Variants in PARD3B observed in about 807,000 individuals in gnomAD.
PARD3B encodes par-3 family cell polarity regulator beta.
A neutral mutation model predicts 130.2 loss-of-function variants in PARD3B; 103 were observed. The ratio of observed to expected loss-of-function variants is 0.79; its 90% CI spans 0.67 to 0.93. PARD3B has a LOEUF of 0.93. Ranked by LOEUF, PARD3B falls within the 40% of genes least tolerant of loss-of-function variation. The probability of loss-of-function intolerance (pLI) is 0.00; values close to 1 mark genes in which losing one functional copy is unlikely to be tolerated. For missense variants in PARD3B, 1,609 were observed against 1,499.2 expected (o/e 1.07, Z -1.21); for synonymous variants, 583 against 553.2 (o/e 1.05, Z -0.76).
chr2:205,034,942 C>T (rs1697697588), intron 3 of PARD3B, among the ~76,000 whole-genome samples: 2 of 152,074 alleles, frequency 1.3e-5, no homozygotes, highest in African/African-American at 2.4e-5. Flanking sequence ...CTGCAACCTC[C>T]GCCACCTGAG....
At chr2:205,476,901 C>A (rs2049041259) in intron 20 of PARD3B, among the ~76,000 whole-genome samples, 1 of 152,070 alleles carries the variant, frequency 6.6e-6, no homozygotes, top group Admixed American at 6.6e-5. Flanking sequence ...ATTTTGTATT[C>A]AAAAATATTA....
At chr2:205,057,434 TG>T (rs1699738615) in intron 4 of PARD3B, among the ~76,000 whole-genome samples, 2 of 138,386 alleles carry the variant, frequency 1.4e-5, no homozygotes, top group Admixed American at 7.5e-5. Flanking sequence ...CATGTATATG[TG>T]TTATATACAT....
intron 18 of PARD3B, among the ~76,000 whole-genome samples, chr2:205,338,335 T>C (rs926147178): frequency 2.6e-5 from 4 of 152,248 alleles, no homozygotes; most frequent in Non-Finnish European, 4.4e-5. Flanking sequence ...TCATTTTTCG[T>C]TTGTTTGTTT....
At chr2:205,339,223 A>T (rs1386946811) in intron 18 of PARD3B, among the ~76,000 whole-genome samples, 1 of 152,230 alleles carries the variant, frequency 6.6e-6, no homozygotes, top group Admixed American at 6.5e-5. Flanking sequence ...TTTACCACAA[A>T]GGAAAATAAA....
At chr2:205,555,567 T>C (rs527873110) in intron 22 of PARD3B, among the ~76,000 whole-genome samples, 45 of 152,362 alleles carry the variant, frequency 3.0e-4, no homozygotes, top group African/African-American at 1.0e-3. Flanking sequence ...ATAATACATT[T>C]ATGCTGTTTA....
intron 1 of PARD3B, among the ~76,000 whole-genome samples, chr2:204,595,747 A>C (rs1006950139): frequency 6.6e-6 from 1 of 152,244 alleles, no homozygotes; most frequent in African/African-American, 2.4e-5. Context: ...ATGAGCATGT[A>C]CTTTAAATGT....
intron 21 of PARD3B, among the ~76,000 whole-genome samples, chr2:205,505,476 G>T (rs1344040308): frequency 6.6e-6 from 1 of 152,160 alleles, no homozygotes; most frequent in Non-Finnish European, 1.5e-5. Context: ...CTTTTCAGCT[G>T]TTCTGTTGTG....
At chr2:205,028,684 A>G (rs147408378) in intron 3 of PARD3B, among the ~76,000 whole-genome samples, 1 of 152,164 alleles carries the variant, frequency 6.6e-6, no homozygotes, top group Non-Finnish European at 1.5e-5. Flanking sequence ...AGCCAGAGCA[A>G]TTAGGCAAGA....
At chr2:204,593,267 C>T (rs1305926224) in intron 1 of PARD3B, among the ~76,000 whole-genome samples, 2 of 152,168 alleles carry the variant, frequency 1.3e-5, no homozygotes, top group African/African-American at 4.8e-5. Context: ...ATCTAAGCAT[C>T]CTCAACGTAG....
intron 2 of PARD3B, among the ~76,000 whole-genome samples, chr2:204,953,844 T>G (rs1690013984): frequency 6.6e-6 from 1 of 152,202 alleles, no homozygotes; most frequent in African/African-American, 2.4e-5. Flanking sequence ...TAGTTTTATG[T>G]GCTTATATTT....
intron 2 of PARD3B, among the ~76,000 whole-genome samples, chr2:204,748,224 T>G (rs572227083): frequency 6.6e-6 from 1 of 152,202 alleles, no homozygotes; most frequent in African/African-American, 2.4e-5. Flanking sequence ...GATTGGCAGA[T>G]TAAATGACAC....
intron 18 of PARD3B, among the ~76,000 whole-genome samples, chr2:205,373,221 A>T (rs1244426139): frequency 6.6e-6 from 1 of 152,132 alleles, no homozygotes; most frequent in Non-Finnish European, 1.5e-5. Flanking sequence ...GGGAATCAGA[A>T]GATGAAAATC....
chr2:205,300,878 T>C lies in PARD3B; in HGVS notation c.2392+142T>C. On this transcript the variant is annotated intron_variant, in intron 17 of 22. Transcript: ENST00000406610. This position sits in a 1 kb window ranked among gnomAD's most constrained non-coding sequence, Gnocchi z 4.1. ...TGATATTAAAAGTAATTCATTTTCC[T>C]GATATGTTTTGCCCTTTGGCTTAAT... 2.0e-6 allele frequency: 2 copies of C among 978,236 alleles called. No individual in the cohort carries two copies. Among genetic ancestry groups the C allele is most frequent in the Non-Finnish European group, 2.9e-6 (2 of 682,594 alleles). The allele number at this position is 978,236 out of a possible 1,614,324, so 60.6% of individuals were successfully genotyped here.
At chr2:205,368,900 G>A (rs892361691) in intron 18 of PARD3B, among the ~76,000 whole-genome samples, 4 of 151,548 alleles carry the variant, frequency 2.6e-5, no homozygotes, top group Admixed American at 6.6e-5. Flanking sequence ...AAGAGCTCTC[G>A]TAACTCTTCT....
intron 1 of PARD3B, among the ~76,000 whole-genome samples, chr2:204,560,413 G>C (rs1486549065): frequency 1.3e-5 from 2 of 152,174 alleles, no homozygotes; most frequent in Non-Finnish European, 2.9e-5. Context: ...AACAGGCATA[G>C]AGGAGCATGG....
At chr2:204,608,310 G>A (rs1574541570) in intron 1 of PARD3B, among the ~76,000 whole-genome samples, 1 of 152,242 alleles carries the variant, frequency 6.6e-6, no homozygotes, top group East Asian at 1.9e-4. Flanking sequence ...CTCTCCACTA[G>A]CTGTTACATG....
At chr2:204,960,462 A>G (rs754895107) in intron 2 of PARD3B, among the ~76,000 whole-genome samples, 35 of 152,352 alleles carry the variant, frequency 2.3e-4, no homozygotes, top group Non-Finnish European at 3.8e-4. Context: ...TTTATCGGCC[A>G]TAATTTCCAA....
intron 1 of PARD3B, among the ~76,000 whole-genome samples, chr2:204,608,727 C>G (rs1371026106): frequency 2.0e-5 from 3 of 152,196 alleles, no homozygotes; most frequent in African/African-American, 7.2e-5. Context: ...TCTGCTGTTA[C>G]TCCCCCTCCT....
At chr2:205,041,761 T>C (rs1008906181) in intron 3 of PARD3B, among the ~76,000 whole-genome samples, 7 of 152,144 alleles carry the variant, frequency 4.6e-5, no homozygotes, top group African/African-American at 1.2e-4. Context: ...CTACTCCCCA[T>C]ACAATTTAGA....
Sources: gnomAD v4.1 joint callset for allele counts (sites outside exome capture counted in the v4.1 genomes callset) on GRCh38, gnomAD v4.1.1 for gene constraint, Gnocchi (gnomAD v3.1) non-coding constraint, MANE v1.5 for transcripts, NCBI Gene and HGNC (gene_info 2026-07-23, HGNC 2026-07-21) for gene names.